Variants in TSTD2 observed in about 807,000 individuals in gnomAD.
TSTD2 encodes thiosulfate sulfurtransferase/rhodanese-like domain-containing protein 2.
Under a neutral mutation model 47.9 loss-of-function variants are expected in TSTD2, and 37 were observed. The ratio of observed to expected loss-of-function variants is 0.77; its 90% confidence interval spans 0.59 to 1.02. TSTD2 has a LOEUF of 1.02. Ranked by LOEUF, TSTD2 falls within the 50% of genes least tolerant of loss-of-function variation. TSTD2 has a pLI of 0.00. For synonymous variants in TSTD2, 201 were observed against 215.9 expected (o/e 0.93, Z 0.61); for missense variants, 586 against 616.0 (o/e 0.95, Z 0.52).
intron 3 of TSTD2, among the ~76,000 whole-genome samples, chr9:97,624,731 A>C (rs774057131): frequency 6.6e-5 from 10 of 152,218 alleles, no homozygotes; most frequent in Admixed American, 4.6e-4. Flanking sequence ...ATGCAGTTTG[A>C]AAGACTCCAG....
rs1826598786 is a variant in TSTD2 at position 97,619,596 on chromosome 9, C to A, written c.483-1719G>T. Among the ~76,000 whole-genome samples the A allele has an allele frequency of 2.0e-5, 3 of 152,058 alleles. No individual in the cohort carries two copies. In the South Asian group the frequency reaches 6.2e-4, roughly 32 times the overall value. ...CCTAATGTGATCTTCCTGCCTTGGC[C>A]CTCCACAATGCTGGGATTATAGGAA... is the stretch of plus-strand genomic sequence containing the variant. On this transcript the variant is annotated intron_variant, in intron 3 of 9. Coordinates refer to ENST00000341170, the MANE Select transcript of TSTD2 (RefSeq NM_139246.5).
intron 1 of TSTD2, among the ~76,000 whole-genome samples, chr9:97,632,734 T>C (rs1444863816): frequency 6.6e-6 from 1 of 152,092 alleles, no homozygotes; most frequent in Admixed American, 6.6e-5. Context: ...GATTCTGGAT[T>C]TGTGTTGAAA....
chr9:97,606,961 C>T (rs60353451), intron 6 of TSTD2, among the ~76,000 whole-genome samples: 1,527 of 152,172 alleles, frequency 0.01, 24 homozygotes, highest in African/African-American at 0.035. Flanking sequence ...TATTAAAATA[C>T]AAGGGGAAGC....
At position 97,633,334 on chromosome 9, in the gene TSTD2, C is replaced by G. The variant is rs117114418; in HGVS notation, c.-142G>C. On this transcript the variant is annotated 5_prime_UTR_variant, in exon 1 of 10. Coordinates refer to ENST00000341170, the MANE Select transcript of TSTD2 (RefSeq NM_139246.5). ...CTCACCGCCCTCGAGCCTATTCCCC[C>G]GCCGCGTATTTGGGTAGAAAAGCTC... 6.6e-3 allele frequency: 2,323 copies of G among 350,248 alleles called. 8 individuals carry two copies. Among genetic ancestry groups the G allele is most frequent in the Non-Finnish European group, 7.9e-3 (1,539 of 195,410 alleles). The allele number at this position is 350,248 out of a possible 1,614,324, so 21.7% of individuals were successfully genotyped here.
At chr9:97,628,492 A>C (rs1826757849) in intron 1 of TSTD2, among the ~76,000 whole-genome samples, 2 of 152,214 alleles carry the variant, frequency 1.3e-5, no homozygotes, top group South Asian at 4.1e-4. Flanking sequence ...GACTGGAAAG[A>C]AATATTAATA....
At position 97,602,535 on chromosome 9, in the gene TSTD2, A is replaced by G. The variant is rs1202846279; in HGVS notation, c.1485T>C (p.His495=). The part of the protein sequence containing the change: ...RPRIPRELLQ[H]VRQPVSPEPG... ...GCTCTGGGCTCACAGGCTGTCGCAC[A>G]TGCTGCAAGAGTTCCCTAGGTATGC... is the stretch of plus-strand genomic sequence containing the variant. Residue 495 remains histidine, a synonymous_variant, in exon 10 of 10, where the codon CAT becomes CAC. Transcript: ENST00000341170. 1.9e-6 allele frequency: 3 copies of G among 1,614,054 alleles called. No homozygotes were observed. The Admixed American group carries it at 5.0e-5, about 27-fold the overall frequency.
intron 9 of TSTD2, 153 bp downstream of exon 9, chr9:97,604,574 G>T: frequency 1.7e-6 from 2 of 1,201,454 alleles, no homozygotes; most frequent in Non-Finnish European, 2.3e-6. Context: ...CAGCTCCACA[G>T]CTGGGAAAAT....
intron 9 of TSTD2, among the ~76,000 whole-genome samples, chr9:97,603,376 C>G (rs1826304785): frequency 6.6e-6 from 1 of 152,162 alleles, no homozygotes; most frequent in Non-Finnish European, 1.5e-5. Context: ...TCTAAGCTAC[C>G]TCTGAGCCTT....
intron 3 of TSTD2, among the ~76,000 whole-genome samples, chr9:97,622,599 G>A (rs1473991356): frequency 6.6e-6 from 1 of 152,228 alleles, no homozygotes; most frequent in Non-Finnish European, 1.5e-5. Flanking sequence ...GTGCCGAAAA[G>A]ATGCAGACAC....
intron 5 of TSTD2, 145 bp downstream of exon 5, chr9:97,611,426 CAAA>C: frequency 6.3e-6 from 6 of 947,980 alleles, no homozygotes; most frequent in Non-Finnish European, 8.7e-6. Context: ...AAAAACAAAA[CAAA>C]AAAACTCCCC....
At chr9:97,621,690 T>C (rs140546924) in intron 3 of TSTD2, among the ~76,000 whole-genome samples, 2,133 of 152,276 alleles carry the variant, frequency 0.014, 103 homozygotes, top group East Asian at 0.13. Context: ...ATTAGGAAAT[T>C]CCAGCCTGGC....
chr9:97,614,812 C>T (rs748335404), intron 4 of TSTD2, among the ~76,000 whole-genome samples: 28 of 152,286 alleles, frequency 1.8e-4, no homozygotes, highest in Non-Finnish European at 1.8e-4. Flanking sequence ...ACAAAGATTC[C>T]GGGTCACATC....
Position 97,601,564 on chromosome 9 carries a change from T to TATCA in TSTD2, c.*901_*904dup. ...ACATCTTTAAGGCCACCTCTGCCTCTATCAGATGAGCTGCTGGTCTAGATC... is the reference window on the plus strand; with the variant it reads ...ACATCTTTAAGGCCACCTCTGCCTCTATCAATCAGATGAGCTGCTGGTCTAGATC... On this transcript the variant is annotated 3_prime_UTR_variant, in exon 10 of 10. Coordinates refer to ENST00000341170, the MANE Select transcript of TSTD2 (RefSeq NM_139246.5). The TATCA allele has an allele frequency of 3.0e-6, 3 of 988,200 alleles. No individual in the cohort carries two copies. Among genetic ancestry groups the TATCA allele is most frequent in the Non-Finnish European group, 3.6e-6 (3 of 831,790 alleles). The allele number at this position is 988,200 out of a possible 1,614,324, so 61.2% of individuals were successfully genotyped here. A position where few individuals can be genotyped will look rare whatever the true frequency, so the allele number is the denominator to read the frequency against.
chr9:97,610,316 T>TA (rs780048790), intron 6 of TSTD2, 30 bp downstream of exon 6: 19 of 1,581,998 alleles, frequency 1.2e-5, no homozygotes, highest in Non-Finnish European at 1.6e-5. Flanking sequence ...CCCTGTGAAT[T>TA]AAAGCACAAT....
chr9:97,608,597 C>G (rs753151295), intron 6 of TSTD2, among the ~76,000 whole-genome samples: 1 of 152,216 alleles, frequency 6.6e-6, no homozygotes, highest in Non-Finnish European at 1.5e-5. Flanking sequence ...AATCACGCCA[C>G]TGCACTCCAG....
At chr9:97,621,999 C>T (rs1206032172) in intron 3 of TSTD2, among the ~76,000 whole-genome samples, 1 of 152,030 alleles carries the variant, frequency 6.6e-6, no homozygotes, top group African/African-American at 2.4e-5. Context: ...GTGAAGCGAC[C>T]CCCGGACACC....
chr9:97,606,145 T>C lies in TSTD2; in HGVS notation c.952A>G (p.Ile318Val), dbSNP rs1410079859. Residue 318 changes from isoleucine to valine, a missense_variant and splice_region_variant, in exon 7 of 10, where the codon ATA becomes GTA. Ile to Val is a conservative substitution (Grantham distance 29). Transcript: ENST00000341170. Reference sequence around the variant, plus strand: ...ACTCAGTTCTGGCTTTTACTTACTATTTTGCTTTCATAGAAGTTTCTGCAA... The same window carrying C: ...ACTCAGTTCTGGCTTTTACTTACTACTTTGCTTTCATAGAAGTTTCTGCAA... ...LDCRNFYESK[I>V]GRFQGCLAPD... 1 of 1,595,112 alleles carries C rather than the reference T, an allele frequency of 6.3e-7. No homozygotes were observed. Among genetic ancestry groups the C allele is most frequent in the Admixed American group, 1.7e-5 (1 of 59,118 alleles).
At chr9:97,618,928 C>A (rs1057316814) in intron 3 of TSTD2, among the ~76,000 whole-genome samples, 1 of 152,190 alleles carries the variant, frequency 6.6e-6, no homozygotes, top group Non-Finnish European at 1.5e-5. Context: ...CTGTAACATA[C>A]AATTCAACTG....
At chr9:97,611,359 G>A (rs1218621078) in intron 5 of TSTD2, among the ~76,000 whole-genome samples, 3 of 151,902 alleles carry the variant, frequency 2.0e-5, no homozygotes, top group African/African-American at 7.3e-5. Context: ...TGAGGCTGCA[G>A]TGAGCCATGA....
Sources: allele counts gnomAD v4.1 joint callset (sites outside exome capture counted in the v4.1 genomes callset), GRCh38; gene constraint gnomAD v4.1.1; transcripts MANE v1.5; gene names NCBI Gene and HGNC (gene_info 2026-07-23, HGNC 2026-07-21).